Variants in ERCC6L2 observed in about 807,000 individuals in gnomAD.
ERCC6L2 encodes the protein ERCC excision repair 6 like 2, also known as DNA excision repair protein ERCC-6-like 2.
A neutral mutation model predicts 132.0 loss-of-function variants in ERCC6L2; 77 were observed. That is an observed-to-expected ratio of 0.58 (90% CI 0.49 to 0.71). ERCC6L2 has a LOEUF of 0.71. Among genes scored for constraint, ERCC6L2 ranks in the 30% least tolerant of loss-of-function variants. The pLI is 0.00. For synonymous variants in ERCC6L2, 583 were observed against 632.4 expected (o/e 0.92, Z 1.17); for missense variants, 1,542 against 1,837.6 (o/e 0.84, Z 2.94).
At chr9:95,896,372 A>G (rs1011699283) in intron 2 of ERCC6L2, among the ~76,000 whole-genome samples, 4 of 141,076 alleles carry the variant, frequency 2.8e-5, no homozygotes, top group South Asian at 2.2e-4. Flanking sequence ...CTACTTGTCT[A>G]TTTGTTTTTT....
At chr9:95,914,617 G>A (rs1270273313) in intron 4 of ERCC6L2, among the ~76,000 whole-genome samples, 1 of 152,178 alleles carries the variant, frequency 6.6e-6, no homozygotes, top group Non-Finnish European at 1.5e-5. Flanking sequence ...CTCCCAAAGT[G>A]CTGGGATTAC....
chr9:95,939,903 T>C (rs151132359), intron 11 of ERCC6L2, among the ~76,000 whole-genome samples: 23 of 152,302 alleles, frequency 1.5e-4, no homozygotes, highest in African/African-American at 5.1e-4. Flanking sequence ...AGACTCTGCA[T>C]GTGATTTAAA....
chr9:95,897,737 A>G, intron 2 of ERCC6L2, 112 bp from the exon 3 acceptor site: 1 of 1,097,990 alleles, frequency 9.1e-7, no homozygotes, highest in Non-Finnish European at 1.3e-6. Context: ...TATTTCCCCC[A>G]ACAAATCTCT....
At chr9:96,036,283 A>G (rs1411220503) in intron 19 of ERCC6L2, among the ~76,000 whole-genome samples, 10 of 152,164 alleles carry the variant, frequency 6.6e-5, no homozygotes, top group Non-Finnish European at 1.5e-4. Flanking sequence ...ATATAATTGG[A>G]AGTACACAGA....
At chr9:95,932,006 A>G (rs557192786) in intron 11 of ERCC6L2, among the ~76,000 whole-genome samples, 3 of 149,632 alleles carry the variant, frequency 2.0e-5, no homozygotes, top group South Asian at 4.2e-4. Flanking sequence ...TTTCTCTCAG[A>G]CTTTGTCTTT....
At chr9:95,954,666 A>G in intron 12 of ERCC6L2, 1 of 406,534 alleles carries the variant, frequency 2.5e-6, no homozygotes, top group South Asian at 1.9e-5. Context: ...CATTCACCAA[A>G]CAACTGGCTT....
intron 3 of ERCC6L2, chr9:95,906,671 C>A (rs1045100671): frequency 4.4e-6 from 2 of 457,198 alleles, no homozygotes; most frequent in African/African-American, 4.0e-5. Context: ...AAAGAGAGCT[C>A]CAGGAGACCA....
chr9:95,887,445 A>T (rs1326404078), intron 2 of ERCC6L2, among the ~76,000 whole-genome samples: 7 of 152,224 alleles, frequency 4.6e-5, no homozygotes, highest in Non-Finnish European at 1.0e-4. Context: ...GCTTTTACAG[A>T]CACCAAAATC....
At chr9:95,966,832 A>C in intron 14 of ERCC6L2, 118 bp downstream of exon 14, 1 of 786,136 alleles carries the variant, frequency 1.3e-6, no homozygotes, top group Non-Finnish European at 1.8e-6. Context: ...TTCTTTATCA[A>C]AAATGCCTTG....
rs1830526828 is a variant in ERCC6L2 at position 95,935,760 on chromosome 9, T to C, written c.1752-5694T>C. 2.6e-5 allele frequency among the ~76,000 whole-genome samples: 4 copies of C among 152,198 alleles called. No homozygotes were observed. In the South Asian group the frequency reaches 6.2e-4, roughly 24 times the overall value. Reference sequence around the variant, plus strand: ...GCTGCAGAGACGGTAGGCCTGGTCATTGAGGCCGATTGGTCTCTGATGAAT... The same window carrying C: ...GCTGCAGAGACGGTAGGCCTGGTCACTGAGGCCGATTGGTCTCTGATGAAT... On this transcript the variant is annotated intron_variant, in intron 11 of 18. Transcript: ENST00000653738.
At chr9:95,948,678 G>C (rs56110216) in intron 12 of ERCC6L2, among the ~76,000 whole-genome samples, 4,600 of 151,602 alleles carry the variant, frequency 0.03, 94 homozygotes, top group East Asian at 0.13. Context: ...TGTTCCCAAG[G>C]CTCAAGACAC....
intron 4 of ERCC6L2, among the ~76,000 whole-genome samples, chr9:95,914,628 A>G (rs1829495994): frequency 6.6e-6 from 1 of 152,204 alleles, no homozygotes; most frequent in Admixed American, 6.5e-5. Context: ...CTGGGATTAC[A>G]AGCATGAGCC....
chr9:96,015,040 T>TTTTTTTTA lies in ERCC6L2; in HGVS notation c.*1837_*1838insTTTTTTTA, dbSNP rs1834155990. Among the ~76,000 whole-genome samples, 1 of 144,484 alleles carries TTTTTTTTA rather than the reference T, an allele frequency of 6.9e-6. No homozygotes were observed. The highest frequency in any genetic ancestry group is 1.5e-5 in the Non-Finnish European group (1 of 66,230). The allele number at this position is 144,484 out of a possible 152,430, so 94.8% of individuals were successfully genotyped here. A position where few individuals can be genotyped will look rare whatever the true frequency, so the allele number is the denominator to read the frequency against. On this transcript the variant is annotated 3_prime_UTR_variant, in exon 19 of 19. Coordinates refer to ENST00000653738, the MANE Select transcript of ERCC6L2 (RefSeq NM_020207.7). The stretch of plus-strand genomic sequence containing the variant: ...GTTTTTTTTTTTTTTTTTTTTTTTT[T>TTTTTTTTA]GAGATTGAGTCTCACTCTGTCACCC...
At chr9:95,904,892 A>G (rs1828955107) in intron 3 of ERCC6L2, 1 of 152,204 alleles carries the variant, frequency 6.6e-6, no homozygotes, top group Admixed American at 6.5e-5. Flanking sequence ...AGCTTCTGTT[A>G]ATTTTAATAA....
At position 95,941,612 on chromosome 9, in the gene ERCC6L2, C is replaced by CT. The variant is rs1830805813; in HGVS notation, c.1847+67dup. ...CTTTTAATCTAAAAATACTCTTGAA[C>CT]TTTTAAGGTTGCTTATACTATGACT... On this transcript the variant is annotated intron_variant, in intron 12 of 18. Transcript: ENST00000653738. 4.1e-6 allele frequency: 5 copies of CT among 1,232,248 alleles called. No homozygotes were observed. In the Admixed American group the frequency reaches 8.8e-5, roughly 22 times the overall value. 76.3% of individuals were successfully genotyped at this position (1,232,248 alleles called of 1,614,324 possible). A position where few individuals can be genotyped will look rare whatever the true frequency, so the allele number is the denominator to read the frequency against.
At chr9:96,038,515 G>A (rs544274287) in intron 19 of ERCC6L2, among the ~76,000 whole-genome samples, 9 of 152,308 alleles carry the variant, frequency 5.9e-5, no homozygotes, top group South Asian at 2.1e-4. Flanking sequence ...GGAGCCCAGC[G>A]GGGCCAGAAA....
intron 12 of ERCC6L2, among the ~76,000 whole-genome samples, chr9:95,954,114 A>T (rs1048137523): frequency 6.6e-6 from 1 of 152,218 alleles, no homozygotes; most frequent in Non-Finnish European, 1.5e-5. Flanking sequence ...GGCACAGTGC[A>T]CTTAAGTAGC....
rs573327263 is a variant in ERCC6L2, at chr9:95,940,173, A to G, written c.1752-1281A>G. The stretch of plus-strand genomic sequence containing the variant: ...TGTCTCATTATAGCCAGGCAAGGGT[A>G]GAAGTCTAGCATCCTCATTCAGCCT... On this transcript the variant is annotated intron_variant, in intron 11 of 18. Coordinates refer to ENST00000653738, the MANE Select transcript of ERCC6L2 (RefSeq NM_020207.7). Among the ~76,000 whole-genome samples, 10 of 152,288 alleles carry G rather than the reference A, an allele frequency of 6.6e-5. No individual in the cohort carries two copies. The East Asian group carries it at 1.2e-3, about 18-fold the overall frequency.
intron 3 of ERCC6L2, among the ~76,000 whole-genome samples, chr9:95,899,960 T>C (rs960357152): frequency 1.2e-4 from 19 of 152,226 alleles, no homozygotes; most frequent in Admixed American, 2.6e-4. Flanking sequence ...TCCACTGATA[T>C]GAAACCCACA....
Sources: gnomAD v4.1 joint callset for allele counts (sites outside exome capture counted in the v4.1 genomes callset) on GRCh38, gnomAD v4.1.1 for gene constraint, MANE v1.5 for transcripts, NCBI Gene and HGNC (gene_info 2026-07-23, HGNC 2026-07-21) for gene names.